Variants in GSE1 observed in about 807,000 individuals in gnomAD.
GSE1 encodes the protein genetic suppressor element 1.
Under a neutral mutation model 112.6 loss-of-function variants are expected in GSE1, and 32 were observed. The ratio of observed to expected loss-of-function variants is 0.28; its 90% CI spans 0.21 to 0.38. The LOEUF is 0.38. Among genes scored for constraint, GSE1 ranks in the 10% least tolerant of loss-of-function variants. The probability of loss-of-function intolerance (pLI) is 1.00; values close to 1 mark genes in which losing one functional copy is unlikely to be tolerated. For synonymous variants in GSE1, 1,115 were observed against 735.6 expected (o/e 1.52, Z -8.35); for missense variants, 2,348 against 1,699.2 (o/e 1.38, Z -6.71).
At chr16:85,189,370 T>C (rs2074776693) in intron 1 of GSE1, among the ~76,000 whole-genome samples, 1 of 152,240 alleles carries the variant, frequency 6.6e-6, no homozygotes, top group African/African-American at 2.4e-5. Context: ...TTTTTACCCA[T>C]TGACCCTCTA....
At chr16:85,264,243 T>C (rs574584798) in intron 1 of GSE1, among the ~76,000 whole-genome samples, 12 of 151,672 alleles carry the variant, frequency 7.9e-5, no homozygotes, top group African/African-American at 2.2e-4. Context: ...ACCCGTGGGG[T>C]GGAATATCAC....
chr16:85,607,663 C>G (rs537380407), upstream of GSE1, among the ~76,000 whole-genome samples: 33 of 152,188 alleles, frequency 2.2e-4, 1 homozygote, highest in Non-Finnish European at 4.3e-4. Flanking sequence ...TGGGGCTCCC[C>G]CAGCATCCCT....
rs190893797 is a variant in GSE1, at chr16:85,636,476, C to A, written c.226+2344C>A. Among the ~76,000 whole-genome samples, 124 of 152,334 alleles carry A rather than the reference C, an allele frequency of 8.1e-4. 1 individual carries two copies. The Middle Eastern group carries it at 0.034, about 42-fold the overall frequency. On this transcript the variant is annotated intron_variant, in intron 2 of 15. Coordinates refer to ENST00000253458, the MANE Select transcript of GSE1 (RefSeq NM_014615.5). ...ATGGGGAGGGACTGGGTGACTCGTT[C>A]CTCGTGACCTCAGCCACTCAGTGCA... is the stretch of plus-strand genomic sequence containing the variant.
intron 1 of GSE1, among the ~76,000 whole-genome samples, chr16:85,575,988 G>GT (rs2046213899): frequency 6.6e-6 from 1 of 151,100 alleles, no homozygotes; most frequent in Admixed American, 6.6e-5. Flanking sequence ...TGCTCCTGGT[G>GT]TTAGAGCAGT....
At chr16:85,401,092 G>A (rs1037989544) in intron 2 of GSE1, among the ~76,000 whole-genome samples, 1 of 152,180 alleles carries the variant, frequency 6.6e-6, no homozygotes, top group Non-Finnish European at 1.5e-5. Context: ...AGCGGATATG[G>A]TGCTGGGGTC....
upstream of GSE1, among the ~76,000 whole-genome samples, chr16:85,553,423 G>A (rs1167386756): frequency 1.3e-5 from 2 of 151,772 alleles, no homozygotes; most frequent in Non-Finnish European, 2.9e-5. Flanking sequence ...GCGGGGCGGA[G>A]CAGCCAGAGG....
At chr16:85,512,660 G>A (rs2051787418) in intron 2 of GSE1, among the ~76,000 whole-genome samples, 1 of 152,108 alleles carries the variant, frequency 6.6e-6, no homozygotes, top group Non-Finnish European at 1.5e-5. Context: ...TCAATTACAG[G>A]CACGTAATAA....
chr16:85,382,764 T>C (rs565631498), intron 2 of GSE1, among the ~76,000 whole-genome samples: 2 of 150,272 alleles, frequency 1.3e-5, no homozygotes, highest in East Asian at 4.0e-4. Context: ...CACACACATG[T>C]ATGCACACCC....
At chr16:85,614,330 C>T (rs970100793) in intron 1 of GSE1, among the ~76,000 whole-genome samples, 1 of 152,286 alleles carries the variant, frequency 6.6e-6, no homozygotes, top group Non-Finnish European at 1.5e-5. Context: ...GGCCGCCCGC[C>T]CGCCTCTCTA....
intron 2 of GSE1, among the ~76,000 whole-genome samples, chr16:85,436,709 C>T (rs754223070): frequency 3.3e-5 from 5 of 152,332 alleles, no homozygotes; most frequent in Admixed American, 1.3e-4. Context: ...GGCCCGTGGG[C>T]GCCTGTCTCC....
At chr16:85,270,326 C>T (rs1478155292) in intron 1 of GSE1, among the ~76,000 whole-genome samples, 1 of 148,898 alleles carries the variant, frequency 6.7e-6, no homozygotes, top group African/African-American at 2.4e-5. Context: ...CTGCTGCTCT[C>T]CCTGTCTGAT....
chr16:85,434,345 A>ATCATC, intron 2 of GSE1, among the ~76,000 whole-genome samples: 1 of 143,498 alleles, frequency 7.0e-6, no homozygotes, highest in East Asian at 2.0e-4. Context: ...TAATAATAAT[A>ATCATC]ATCAGTGCCG....
intron 1 of GSE1, among the ~76,000 whole-genome samples, chr16:85,337,390 C>G (rs1340324628): frequency 0.01 from 1,090 of 103,898 alleles, no homozygotes; most frequent in African/African-American, 0.013. Flanking sequence ...ACTGCAAGCT[C>G]CGCCTCCCGG....
intron 2 of GSE1, among the ~76,000 whole-genome samples, chr16:85,486,998 G>A (rs550742776): frequency 3.9e-4 from 60 of 152,216 alleles, no homozygotes; most frequent in Non-Finnish European, 6.6e-4. Flanking sequence ...GGGACTTGGG[G>A]TTCACGGGTG....
Position 85,666,024 on chromosome 16 carries a change from T to C in GSE1, c.2807T>C (p.Val936Ala), listed in dbSNP as rs17853763. 2 of 1,613,674 alleles carry C rather than the reference T, an allele frequency of 1.2e-6. No homozygotes were observed. The highest frequency in any genetic ancestry group is 1.7e-6 in the Non-Finnish European group (2 of 1,179,984). The stretch of plus-strand genomic sequence containing the variant: ...CTGGATGTGGAGAAGCCGGTTGGTG[T>C]TGCTGCTTCCTTGTCTGACATCCCA... Reference protein sequence around the residue: ...ASLDVEKPVGVAASLSDIPKA... With the variant: ...ASLDVEKPVGAAASLSDIPKA... Residue 936 changes from valine (V) to alanine (A), a missense_variant, in exon 13 of 16, where the codon GTT becomes GCT. Physicochemically the swap from Val to Ala is moderately conservative, Grantham distance 64. Coordinates refer to ENST00000253458, the MANE Select transcript of GSE1 (RefSeq NM_014615.5).
At chr16:85,658,720 G>A (rs554073966) in intron 8 of GSE1, among the ~76,000 whole-genome samples, 1 of 152,310 alleles carries the variant, frequency 6.6e-6, no homozygotes, top group Admixed American at 6.5e-5. Context: ...GCTCAGCCTT[G>A]CCTACTACCC....
Position 85,331,717 on chromosome 16 carries a change from T to A in GSE1, c.2284-25746T>A, listed in dbSNP as rs1367832864. ...TATATATATATATATATTTTTTTTT[T>A]TTTTTTTTTTAGTTAAGATGGGGTT... is the stretch of plus-strand genomic sequence containing the variant. On this transcript the variant is annotated intron_variant, in intron 1 of 2. Transcript: ENST00000637419. Among the ~76,000 whole-genome samples, 353 of 140,964 alleles carry A rather than the reference T, an allele frequency of 2.5e-3. 1 individual carries two copies. The highest frequency in any genetic ancestry group is 7.1e-3 in the African/African-American group (271 of 38,270). The allele number at this position is 140,964 out of a possible 152,430, so 92.5% of individuals were successfully genotyped here.
At position 85,614,088 on chromosome 16, in the gene GSE1, C is replaced by T. The variant is rs1028069400; in HGVS notation, c.7+690C>T. Among the ~76,000 whole-genome samples the T allele has an allele frequency of 7.3e-5, 11 of 151,098 alleles. No homozygotes were observed. The South Asian group carries it at 1.5e-3, about 20-fold the overall frequency. On this transcript the variant is annotated intron_variant, in intron 1 of 15. Coordinates refer to ENST00000253458, the MANE Select transcript of GSE1 (RefSeq NM_014615.5). Reference sequence around the variant, plus strand: ...CCGGCGGAGCGGCTCCCTGCCCCTCCCCTCCCCCCCGCAGAAGATGGCTGC... The same window carrying T: ...CCGGCGGAGCGGCTCCCTGCCCCTCTCCTCCCCCCCGCAGAAGATGGCTGC...
chr16:85,484,998 G>C (rs2050788441), intron 2 of GSE1, among the ~76,000 whole-genome samples: 1 of 152,080 alleles, frequency 6.6e-6, no homozygotes, highest in Admixed American at 6.5e-5. Flanking sequence ...CTCAGCACCT[G>C]TCCTAGGCCC....
Sources: gnomAD v4.1 joint callset for allele counts (sites outside exome capture counted in the v4.1 genomes callset) on GRCh38, gnomAD v4.1.1 for gene constraint, MANE v1.5 for transcripts, NCBI Gene and HGNC (gene_info 2026-07-23, HGNC 2026-07-21) for gene names.